NOX4: variants seen among roughly 807,000 people sequenced by gnomAD.
NOX4 encodes kidney oxidase-1.
Under a neutral mutation model 87.6 loss-of-function variants are expected in NOX4, and 69 were observed. The observed-to-expected ratio is 0.79, with a 90% CI of 0.65 to 0.96. The LOEUF (loss-of-function observed/expected upper bound fraction) is 0.96. Among genes scored for constraint, NOX4 ranks in the 40% least tolerant of loss-of-function variants. The pLI is 0.00. For missense variants in NOX4, 680 were observed against 681.5 expected (o/e 1.00, Z 0.02); for synonymous variants, 275 against 238.2 (o/e 1.15, Z -1.42).
At chr11:89,407,020 C>A (rs1942224222) in intron 8 of NOX4, among the ~76,000 whole-genome samples, 1 of 151,984 alleles carries the variant, frequency 6.6e-6, no homozygotes, top group Non-Finnish European at 1.5e-5. Context: ...TTGGTTTATT[C>A]CTGAATAAGT....
At chr11:89,368,809 C>A (rs1370913238) in intron 12 of NOX4, among the ~76,000 whole-genome samples, 2 of 152,020 alleles carry the variant, frequency 1.3e-5, no homozygotes, top group Non-Finnish European at 2.9e-5. Flanking sequence ...ACTTCACTGA[C>A]TATGGAGGTG....
chr11:89,553,965 A>T, the NOX4 span, among the ~76,000 whole-genome samples: 2 of 151,692 alleles, frequency 1.3e-5, no homozygotes, highest in Admixed American at 1.3e-4. Context: ...GCTCACGGAA[A>T]CTGGCAGGCA....
intron 11 of NOX4, among the ~76,000 whole-genome samples, chr11:89,389,757 A>C (rs1940994320): frequency 6.6e-6 from 1 of 152,142 alleles, no homozygotes; most frequent in African/African-American, 2.4e-5. Context: ...GTGTGGCAGG[A>C]GAGAGACAGT....
intron 2 of NOX4, among the ~76,000 whole-genome samples, chr11:89,475,488 A>G (rs577422550): frequency 3.9e-5 from 6 of 152,144 alleles, no homozygotes; most frequent in African/African-American, 1.4e-4. Context: ...ATACTGGAAA[A>G]TGCATGATAA....
At chr11:89,355,245 T>A (rs1340589991) in intron 12 of NOX4, among the ~76,000 whole-genome samples, 1 of 149,832 alleles carries the variant, frequency 6.7e-6, no homozygotes, top group Non-Finnish European at 1.5e-5. Flanking sequence ...TATATATAGA[T>A]GGATTATAAT....
the NOX4 span, among the ~76,000 whole-genome samples, chr11:89,585,888 C>T: frequency 6.6e-6 from 1 of 152,190 alleles, no homozygotes; most frequent in Non-Finnish European, 1.5e-5. Context: ...AACCCAAGGC[C>T]TATCTACTAT....
intron 8 of NOX4, among the ~76,000 whole-genome samples, chr11:89,412,140 C>T (rs184408632): frequency 6.6e-6 from 1 of 152,040 alleles, no homozygotes; most frequent in Non-Finnish European, 1.5e-5. Context: ...TATATATACA[C>T]CCAAAACTGC....
chr11:89,369,422 T>C (rs1352935849), intron 12 of NOX4, among the ~76,000 whole-genome samples: 1 of 152,104 alleles, frequency 6.6e-6, no homozygotes, highest in Admixed American at 6.6e-5. Flanking sequence ...ACACAATCTC[T>C]ATAAGAGCGG....
chr11:89,494,453 G>T (rs585197), upstream of NOX4, among the ~76,000 whole-genome samples: 5 of 151,968 alleles, frequency 3.3e-5, no homozygotes, highest in Non-Finnish European at 7.4e-5. Context: ...TTAATTATAC[G>T]TATGTGTGTG....
At chr11:89,376,779 G>A (rs1384494914) in intron 11 of NOX4, among the ~76,000 whole-genome samples, 2 of 152,162 alleles carry the variant, frequency 1.3e-5, no homozygotes, top group Non-Finnish European at 2.9e-5. Context: ...ATACTCGGGA[G>A]GCTGAGGCAG....
intron 6 of NOX4, among the ~76,000 whole-genome samples, chr11:89,440,004 T>C (rs1200287640): frequency 6.6e-6 from 1 of 152,124 alleles, no homozygotes; most frequent in East Asian, 1.9e-4. Context: ...TCCTTTCCAA[T>C]ACATTGAGGG....
intron 11 of NOX4, among the ~76,000 whole-genome samples, chr11:89,386,583 T>C (rs1940715152): frequency 6.6e-6 from 1 of 152,066 alleles, no homozygotes; most frequent in Non-Finnish European, 1.5e-5. Flanking sequence ...TCCCTCACTC[T>C]CTCCTAGCCA....
At chr11:89,392,496 T>G (rs1941200001) in intron 11 of NOX4, among the ~76,000 whole-genome samples, 1 of 152,196 alleles carries the variant, frequency 6.6e-6, no homozygotes, top group Non-Finnish European at 1.5e-5. Flanking sequence ...CCAGTATTTG[T>G]TCTCCAAGAA....
At chr11:89,493,304 G>A (rs1946906271), upstream of NOX4, among the ~76,000 whole-genome samples, 1 of 151,932 alleles carries the variant, frequency 6.6e-6, no homozygotes, top group Admixed American at 6.6e-5. Flanking sequence ...AGAATTGCTT[G>A]AACCTGGGAG....
intron 13 of NOX4, among the ~76,000 whole-genome samples, chr11:89,348,647 A>C (rs1482496775): frequency 2.0e-5 from 3 of 152,110 alleles, no homozygotes; most frequent in Non-Finnish European, 4.4e-5. Context: ...GGCCCTGTCC[A>C]CATTTCTCCT....
At chr11:89,355,323 T>G (rs1937952982) in intron 12 of NOX4, among the ~76,000 whole-genome samples, 2 of 147,496 alleles carry the variant, frequency 1.4e-5, no homozygotes, top group Non-Finnish European at 3.0e-5. Context: ...TAATATATAT[T>G]CATATATATA....
the NOX4 span, among the ~76,000 whole-genome samples, chr11:89,531,081 G>T: frequency 1.3e-5 from 2 of 152,142 alleles, no homozygotes; most frequent in African/African-American, 4.8e-5. Context: ...GCTCCAGCTG[G>T]CTTTCTTTAC....
At chr11:89,488,714 A>T (rs1482581518) in intron 2 of NOX4, among the ~76,000 whole-genome samples, 1 of 152,174 alleles carries the variant, frequency 6.6e-6, no homozygotes, top group African/African-American at 2.4e-5. Context: ...ATATCTAAAG[A>T]GTTTTCTCCA....
At chr11:89,410,511 G>A (rs1407007303) in intron 8 of NOX4, among the ~76,000 whole-genome samples, 1 of 152,172 alleles carries the variant, frequency 6.6e-6, no homozygotes, top group African/African-American at 2.4e-5. Flanking sequence ...AACCACTATA[G>A]TTTACCTAGA....
Sources: allele counts gnomAD v4.1 joint callset (sites outside exome capture counted in the v4.1 genomes callset), GRCh38; gene constraint gnomAD v4.1.1; transcripts MANE v1.5; gene names NCBI Gene and HGNC (gene_info 2026-07-23, HGNC 2026-07-21).